Variants in CUX2 observed in about 807,000 individuals in gnomAD.
The protein encoded by CUX2 is cut like homeobox 2, also known as homeobox protein cut-like 2.
Under a neutral mutation model 144.8 loss-of-function variants are expected in CUX2, and 40 were observed. The observed-to-expected ratio is 0.28, with a 90% CI of 0.21 to 0.36. CUX2 has a LOEUF of 0.36. CUX2 is among the 10% of genes least tolerant of loss of function. CUX2 has a pLI of 1.00. For synonymous variants in CUX2, 827 were observed against 875.6 expected (o/e 0.94, Z 0.98); for missense variants, 1,615 against 1,994.0 (o/e 0.81, Z 3.62).
intron 4 of CUX2, among the ~76,000 whole-genome samples, chr12:111,278,806 C>T (rs1446493139): frequency 6.6e-6 from 1 of 152,148 alleles, no homozygotes; most frequent in Non-Finnish European, 1.5e-5. Context: ...GCTGATGCAT[C>T]GAATAATACC....
chr12:111,137,942 T>A (rs1281853527), intron 1 of CUX2, among the ~76,000 whole-genome samples: 2 of 152,258 alleles, frequency 1.3e-5, no homozygotes, highest in African/African-American at 2.4e-5. Flanking sequence ...TCAGGTCACC[T>A]GAGTCCAGCC....
At chr12:111,274,181 C>T (rs576924072) in intron 4 of CUX2, among the ~76,000 whole-genome samples, 4 of 152,274 alleles carry the variant, frequency 2.6e-5, no homozygotes, top group Non-Finnish European at 4.4e-5. Context: ...CTACCCACCT[C>T]GGCCTCCCAA....
At chr12:111,180,101 A>ACCCCCCCCCCCCC (rs1879078189) in intron 1 of CUX2, among the ~76,000 whole-genome samples, 1 of 62,426 alleles carries the variant, frequency 1.6e-5, no homozygotes, top group African/African-American at 6.3e-5. Flanking sequence ...CCCTGACCCC[A>ACCCCCCCCCCCCC]CCCTCCCCCC....
chr12:111,221,996 G>A (rs953653827), intron 3 of CUX2, among the ~76,000 whole-genome samples: 5 of 152,134 alleles, frequency 3.3e-5, no homozygotes, highest in African/African-American at 9.7e-5. Context: ...ATATCCTTGC[G>A]TACAGAGAAA....
At chr12:111,319,879 G>A in intron 16 of CUX2, 133 bp from the exon 17 acceptor site, 1 of 1,312,300 alleles carries the variant, frequency 7.6e-7, no homozygotes, top group Non-Finnish European at 9.9e-7. Context: ...AATTTAGTTA[G>A]CCAATCCCCA....
intron 1 of CUX2, among the ~76,000 whole-genome samples, chr12:111,128,441 G>T (rs569021771): frequency 3.3e-5 from 5 of 152,210 alleles, no homozygotes. Flanking sequence ...GAGAGAGAAG[G>T]CAGTGCAGCA....
chr12:111,249,400 CTTTT>C (rs778334868), intron 3 of CUX2, among the ~76,000 whole-genome samples: 105 of 80,100 alleles, frequency 1.3e-3, no homozygotes, highest in African/African-American at 4.5e-3. Flanking sequence ...GTGCTATTGC[CTTTT>C]TTTTTTTTTT....
rs998834231 is a variant in CUX2 at position 111,263,432 on chromosome 12, C to A, written c.223-329C>A. 2.0e-5 allele frequency among the ~76,000 whole-genome samples: 3 copies of A among 152,128 alleles called. No individual in the cohort carries two copies. Among genetic ancestry groups the A allele is most frequent in the Admixed American group, 2.0e-4 (3 of 15,260 alleles). On this transcript the variant is annotated intron_variant, in intron 3 of 21. Coordinates refer to ENST00000261726, the MANE Select transcript of CUX2 (RefSeq NM_015267.4). The surrounding 1 kb of genome is among the most constrained non-coding windows in gnomAD (Gnocchi z 4.0). ...ACCATCCTGGCCAACGTGGTCAAAC[C>A]GTCTCTACCAAAAGTACAAAAAAAT... is the stretch of plus-strand genomic sequence containing the variant.
chr12:111,330,810 C>T (rs1888094098), intron 18 of CUX2, among the ~76,000 whole-genome samples: 1 of 140,984 alleles, frequency 7.1e-6, no homozygotes, highest in Non-Finnish European at 1.5e-5. Context: ...GTAGTAAGTA[C>T]TCAATAAAGG....
At chr12:111,166,105 A>G (rs1878124715) in intron 1 of CUX2, among the ~76,000 whole-genome samples, 1 of 152,068 alleles carries the variant, frequency 6.6e-6, no homozygotes. Flanking sequence ...TGCAGCCTCA[A>G]CCTCCTGGGC....
chr12:111,108,386 A>G (rs997154923), intron 1 of CUX2, among the ~76,000 whole-genome samples: 1 of 152,172 alleles, frequency 6.6e-6, no homozygotes, highest in Admixed American at 6.5e-5. Flanking sequence ...ACTCTCTGTC[A>G]TCATTCTTTT....
chr12:111,134,373 A>G (rs918897757), intron 1 of CUX2, among the ~76,000 whole-genome samples: 2 of 152,234 alleles, frequency 1.3e-5, no homozygotes, highest in African/African-American at 4.8e-5. Flanking sequence ...TAGTTTGCAT[A>G]TCTCTATTAG....
intron 1 of CUX2, among the ~76,000 whole-genome samples, chr12:111,094,277 G>A (rs1872699027): frequency 1.3e-5 from 2 of 152,238 alleles, no homozygotes; most frequent in Non-Finnish European, 1.5e-5. Flanking sequence ...AACAGGCTGC[G>A]GCTGGGCCCG....
chr12:111,323,795 G>A (rs949908647), intron 18 of CUX2, among the ~76,000 whole-genome samples: 2 of 152,108 alleles, frequency 1.3e-5, no homozygotes, highest in Non-Finnish European at 1.5e-5. Flanking sequence ...AGTGGCTCAC[G>A]CCTGTAATCC....
At chr12:111,213,072 T>A (rs1881319871) in intron 1 of CUX2, among the ~76,000 whole-genome samples, 1 of 152,204 alleles carries the variant, frequency 6.6e-6, no homozygotes, top group Non-Finnish European at 1.5e-5. Flanking sequence ...AGAAATACAC[T>A]CCCGCATCTG....
At chr12:111,261,337 G>A (rs1173465656) in intron 3 of CUX2, among the ~76,000 whole-genome samples, 5 of 152,252 alleles carry the variant, frequency 3.3e-5, no homozygotes, top group Admixed American at 2.0e-4. Context: ...CACAGTAAAC[G>A]GTCGATGCCA....
At chr12:111,063,104 T>C (rs1390569321) in intron 1 of CUX2, among the ~76,000 whole-genome samples, 1 of 152,148 alleles carries the variant, frequency 6.6e-6, no homozygotes, top group African/African-American at 2.4e-5. Flanking sequence ...AGCTGTTGCC[T>C]CCACCATCCT....
chr12:111,066,971 T>C (rs1290345276), intron 1 of CUX2, among the ~76,000 whole-genome samples: 1 of 152,144 alleles, frequency 6.6e-6, no homozygotes, highest in Admixed American at 6.5e-5. Flanking sequence ...GCACCTCCAA[T>C]GAATGTTTGT....
At chr12:111,259,449 C>T in intron 3 of CUX2, among the ~76,000 whole-genome samples, 1 of 152,128 alleles carries the variant, frequency 6.6e-6, no homozygotes, top group East Asian at 1.9e-4. Flanking sequence ...AGATGAAGGG[C>T]CAGATTCACA....
Sources: gnomAD v4.1 joint callset for allele counts (sites outside exome capture counted in the v4.1 genomes callset) on GRCh38, gnomAD v4.1.1 for gene constraint, Gnocchi (gnomAD v3.1) non-coding constraint, MANE v1.5 for transcripts, NCBI Gene and HGNC (gene_info 2026-07-23, HGNC 2026-07-21) for gene names.